Variants in SRGAP1 observed in about 807,000 individuals in gnomAD.
SRGAP1 encodes SLIT-ROBO Rho GTPase-activating protein 1.
SRGAP1 carries 43 observed loss-of-function variants against 121.9 expected under a neutral mutation model. That is an observed-to-expected ratio of 0.35 (90% CI 0.28 to 0.46). The LOEUF (loss-of-function observed/expected upper bound fraction) is 0.46, where lower values mean the gene tolerates loss of function less well. Ranked by LOEUF, SRGAP1 falls within the 20% of genes least tolerant of loss-of-function variation. The pLI, the probability that SRGAP1 is intolerant of heterozygous loss-of-function variation, is 1.00. For missense variants in SRGAP1, 1,102 were observed against 1,350.9 expected (o/e 0.82, Z 2.89); for synonymous variants, 447 against 485.4 (o/e 0.92, Z 1.04).
intron 1 of SRGAP1, among the ~76,000 whole-genome samples, chr12:63,972,664 T>C (rs140652657): frequency 5.9e-5 from 9 of 152,360 alleles, no homozygotes; most frequent in Non-Finnish European, 1.0e-4. Context: ...TAATACATTA[T>C]AGTTCAAAAC....
intron 1 of SRGAP1, among the ~76,000 whole-genome samples, chr12:63,904,515 A>G (rs999695007): frequency 2.0e-5 from 3 of 152,332 alleles, no homozygotes; most frequent in South Asian, 2.1e-4. Flanking sequence ...CTCCAGCTGT[A>G]TGTGGCACTG....
intron 17 of SRGAP1, 117 bp from the exon 18 acceptor site, chr12:64,115,697 G>T: frequency 2.9e-6 from 2 of 681,378 alleles, no homozygotes; most frequent in Non-Finnish European, 4.9e-6. Flanking sequence ...GGAGGCAGAG[G>T]TTTCAGTGAG....
intron 8 of SRGAP1, among the ~76,000 whole-genome samples, chr12:64,074,036 C>G (rs1215173449): frequency 6.6e-6 from 1 of 152,120 alleles, no homozygotes; most frequent in Non-Finnish European, 1.5e-5. Flanking sequence ...TTTCATGTTT[C>G]TATGTATTTG....
At chr12:63,902,113 G>A (rs746251616) in intron 1 of SRGAP1, among the ~76,000 whole-genome samples, 4 of 152,142 alleles carry the variant, frequency 2.6e-5, no homozygotes, top group Non-Finnish European at 4.4e-5. Flanking sequence ...TCAGGAGTTC[G>A]AAACCAGCCT....
At chr12:63,924,354 A>G (rs566095220) in intron 1 of SRGAP1, among the ~76,000 whole-genome samples, 2 of 152,148 alleles carry the variant, frequency 1.3e-5, no homozygotes, top group Non-Finnish European at 2.9e-5. Flanking sequence ...AGTACCTCTC[A>G]TCCCAACCTA....
chr12:64,029,657 G>A (rs756297864), intron 4 of SRGAP1, among the ~76,000 whole-genome samples: 28 of 152,084 alleles, frequency 1.8e-4, no homozygotes, highest in Admixed American at 1.3e-4. Flanking sequence ...AGGGAACTCC[G>A]TACACTCTAA....
chr12:63,975,816 A>G (rs2033077460), intron 1 of SRGAP1, among the ~76,000 whole-genome samples: 1 of 152,206 alleles, frequency 6.6e-6, no homozygotes, highest in South Asian at 2.1e-4. Flanking sequence ...GAAATGAGTG[A>G]TTCATAAATA....
At chr12:63,991,004 G>A (rs536967942) in intron 3 of SRGAP1, among the ~76,000 whole-genome samples, 22 of 152,224 alleles carry the variant, frequency 1.4e-4, no homozygotes, top group Non-Finnish European at 2.1e-4. Flanking sequence ...TTTTCTAATC[G>A]TTGTTACTAA....
rs773706043 is a variant in SRGAP1 at position 64,115,928 on chromosome 12, C to CTTTA, written c.2224+37_2224+40dup. 5 of 1,540,792 alleles carry CTTTA rather than the reference C, an allele frequency of 3.2e-6. No homozygotes were observed. In the South Asian group the frequency reaches 5.8e-5, roughly 18 times the overall value. On this transcript the variant is annotated intron_variant, in intron 18 of 21. Transcript: ENST00000355086. Reference sequence around the variant, plus strand: ...CCCCTTATGCTATTATAAAGCCAGTCTTTATATCCCTATTGTAAACAATTG... The same window carrying CTTTA: ...CCCCTTATGCTATTATAAAGCCAGTCTTTATTTATATCCCTATTGTAAACAATTG...
Position 64,055,147 on chromosome 12 carries a change from C to T in SRGAP1, c.802-7770C>T, listed in dbSNP as rs1294184730. Among the ~76,000 whole-genome samples, 3 of 150,374 alleles carry T rather than the reference C, an allele frequency of 2.0e-5. No individual in the cohort carries two copies. In the Admixed American group the frequency reaches 2.0e-4, roughly 10 times the overall value. ...ATCTCCTTAAGCTGATAAGCAACTT[C>T]AGCAAAGTCTCAGGATACAAAATCA... On this transcript the variant is annotated intron_variant, in intron 6 of 21. Transcript: ENST00000355086.
intron 1 of SRGAP1, among the ~76,000 whole-genome samples, chr12:63,893,141 C>G (rs1900643972): frequency 6.6e-6 from 1 of 152,190 alleles, no homozygotes; most frequent in South Asian, 2.1e-4. Flanking sequence ...TTTTTCCCAG[C>G]CCACTCCCCA....
At position 63,882,889 on chromosome 12, in the gene SRGAP1, C is replaced by T. The variant is rs80180884; in HGVS notation, c.67+38006C>T. 3.9e-3 allele frequency among the ~76,000 whole-genome samples: 598 copies of T among 152,314 alleles called. 3 individuals carry two copies. Among genetic ancestry groups the T allele is most frequent in the African/African-American group, 0.013 (553 of 41,586 alleles). On this transcript the variant is annotated intron_variant, in intron 1 of 21. Coordinates refer to ENST00000355086, the MANE Select transcript of SRGAP1 (RefSeq NM_020762.4). ...ATTTTGTAGACATTTCATAAAGGAG[C>T]TTTTCAACGCCAGTGAGAAGTCAGC...
At chr12:63,940,597 T>C (rs2031831698) in intron 1 of SRGAP1, among the ~76,000 whole-genome samples, 1 of 152,178 alleles carries the variant, frequency 6.6e-6, no homozygotes, top group African/African-American at 2.4e-5. Context: ...AAAGCTGGGC[T>C]CTTTGTTTAA....
chr12:63,930,670 A>G (rs2031445395), intron 1 of SRGAP1, among the ~76,000 whole-genome samples: 1 of 152,184 alleles, frequency 6.6e-6, no homozygotes, highest in Non-Finnish European at 1.5e-5. Flanking sequence ...AAAGAAACCA[A>G]ATGTACCTCA....
chr12:64,004,943 T>A (rs754150685), intron 3 of SRGAP1, among the ~76,000 whole-genome samples: 4 of 152,174 alleles, frequency 2.6e-5, no homozygotes, highest in Non-Finnish European at 4.4e-5. Flanking sequence ...AAATGCCATA[T>A]TGGGGGAGAT....
chr12:63,994,700 A>AT (rs1345092828), intron 3 of SRGAP1, among the ~76,000 whole-genome samples: 1 of 152,110 alleles, frequency 6.6e-6, no homozygotes, highest in Non-Finnish European at 1.5e-5. Flanking sequence ...CTGCTTAGCT[A>AT]TTTTAAGAGA....
At chr12:63,918,707 G>T (rs1392980325) in intron 1 of SRGAP1, among the ~76,000 whole-genome samples, 1 of 152,174 alleles carries the variant, frequency 6.6e-6, no homozygotes, top group Non-Finnish European at 1.5e-5. Context: ...GTGAGCCGTT[G>T]CACCAGCCAG....
chr12:63,919,132 A>G (rs2030924040), intron 1 of SRGAP1, among the ~76,000 whole-genome samples: 1 of 152,114 alleles, frequency 6.6e-6, no homozygotes, highest in Non-Finnish European at 1.5e-5. Flanking sequence ...AGCTCACTGC[A>G]ACCTCCGCCT....
chr12:63,981,384 ACC>A (rs2033242129), intron 1 of SRGAP1, among the ~76,000 whole-genome samples: 8 of 152,268 alleles, frequency 5.3e-5, no homozygotes, highest in African/African-American at 1.9e-4. Context: ...AACAAAAAAA[ACC>A]CCAGAAAACT....
Sources: gnomAD v4.1 joint callset for allele counts (sites outside exome capture counted in the v4.1 genomes callset) on GRCh38, gnomAD v4.1.1 for gene constraint, MANE v1.5 for transcripts, NCBI Gene and HGNC (gene_info 2026-07-23, HGNC 2026-07-21) for gene names.